MACROD2: variants seen among roughly 807,000 people sequenced by gnomAD.
The protein encoded by MACROD2 is ADP-ribose glycohydrolase MACROD2.
A neutral mutation model predicts 70.4 loss-of-function variants in MACROD2; 36 were observed. That is an observed-to-expected ratio of 0.51 (90% CI 0.39 to 0.68). MACROD2 has a LOEUF of 0.68. Ranked by LOEUF, MACROD2 falls within the 30% of genes least tolerant of loss-of-function variation. The pLI, the probability that MACROD2 is intolerant of heterozygous loss-of-function variation, is 0.00. For missense variants in MACROD2, 496 were observed against 538.4 expected (o/e 0.92, Z 0.78); for synonymous variants, 172 against 178.8 (o/e 0.96, Z 0.30).
chr20:14,084,674 T>C lies in MACROD2; in HGVS notation c.164-947T>C, dbSNP rs919718701. ...TAACGTTTTTGGCTTATTTTAGATA[T>C]ACCTGCTTGCTGGCTGTTGTGTGTT... is the stretch of plus-strand genomic sequence containing the variant. On this transcript the variant is annotated intron_variant, in intron 2 of 17. Coordinates refer to ENST00000684519, the MANE Select transcript of MACROD2 (RefSeq NM_001351661.2). Among the ~76,000 whole-genome samples, 7 of 152,180 alleles carry C rather than the reference T, an allele frequency of 4.6e-5. No individual in the cohort carries two copies. The East Asian group carries it at 1.3e-3, about 29-fold the overall frequency.
intron 5 of MACROD2, among the ~76,000 whole-genome samples, chr20:15,052,154 A>T (rs1296046736): frequency 2.6e-5 from 4 of 152,068 alleles, no homozygotes; most frequent in African/African-American, 9.7e-5. Flanking sequence ...TCTGTCTTGT[A>T]ATTTACAACA....
chr20:15,646,162 C>T (rs185233526), intron 8 of MACROD2, among the ~76,000 whole-genome samples: 33 of 152,158 alleles, frequency 2.2e-4, no homozygotes, highest in Non-Finnish European at 2.8e-4. Flanking sequence ...TCAACACACC[C>T]CTGAGGCAGT....
At chr20:14,247,529 G>A (rs1223620248) in intron 3 of MACROD2, among the ~76,000 whole-genome samples, 3 of 152,198 alleles carry the variant, frequency 2.0e-5, no homozygotes, top group South Asian at 2.1e-4. Context: ...TTTGGAGATA[G>A]AGTTTTAAAT....
At chr20:16,022,601 G>A (rs1337257066) in intron 15 of MACROD2, among the ~76,000 whole-genome samples, 1 of 152,114 alleles carries the variant, frequency 6.6e-6, no homozygotes, top group African/African-American at 2.4e-5. Context: ...TAAGATGTCT[G>A]GAAGTCTGCA....
chr20:15,229,217 A>C (rs1001050004), intron 5 of MACROD2, among the ~76,000 whole-genome samples: 1 of 152,204 alleles, frequency 6.6e-6, no homozygotes, highest in African/African-American at 2.4e-5. Context: ...TGTGTATAAA[A>C]AATATCAAGT....
rs1326674972 is a variant in MACROD2, at chr20:16,041,090, C to A, written c.1154-111C>A. On this transcript the variant is annotated intron_variant, in intron 15 of 17. Coordinates refer to ENST00000684519, the MANE Select transcript of MACROD2 (RefSeq NM_001351661.2). ...ACCTTTTCTGCAAAAGAAGTTGAATCCCAGGAGTATTTTTGAATTTAAAAG... is the reference window on the plus strand; with the variant it reads ...ACCTTTTCTGCAAAAGAAGTTGAATACCAGGAGTATTTTTGAATTTAAAAG... 4 of 876,468 alleles carry A rather than the reference C, an allele frequency of 4.6e-6. No individual in the cohort carries two copies. In the African/African-American group the frequency reaches 5.2e-5, roughly 11 times the overall value. 54.3% of individuals were successfully genotyped at this position (876,468 alleles called of 1,614,324 possible).
chr20:14,298,097 T>C (rs76767361), intron 3 of MACROD2, among the ~76,000 whole-genome samples: 2,013 of 152,034 alleles, frequency 0.013, 26 homozygotes, highest in Admixed American at 0.02. Context: ...TGAGACCTAC[T>C]CCTGAGAAAG....
At chr20:14,147,314 C>G (rs1306955762) in intron 3 of MACROD2, among the ~76,000 whole-genome samples, 2 of 152,138 alleles carry the variant, frequency 1.3e-5, no homozygotes, top group Non-Finnish European at 2.9e-5. Flanking sequence ...TCTTTCCTTG[C>G]CATTCATTCC....
At chr20:14,213,361 CAA>C (rs60009822) in intron 3 of MACROD2, among the ~76,000 whole-genome samples, 5 of 30,256 alleles carry the variant, frequency 1.7e-4, no homozygotes, top group Admixed American at 7.2e-4. Flanking sequence ...CTTCTAGTGG[CAA>C]AAAAAAAAAA....
chr20:14,383,791 A>C (rs1328454962), intron 3 of MACROD2, among the ~76,000 whole-genome samples: 1 of 152,206 alleles, frequency 6.6e-6, no homozygotes, highest in African/African-American at 2.4e-5. Context: ...AAGCTGACTT[A>C]AAGAGGTAAA....
chr20:15,342,655 G>A (rs535368594), intron 6 of MACROD2, among the ~76,000 whole-genome samples: 9 of 152,106 alleles, frequency 5.9e-5, no homozygotes, highest in Non-Finnish European at 1.3e-4. Context: ...AAGGATACTC[G>A]ATTGAATTGC....
intron 8 of MACROD2, among the ~76,000 whole-genome samples, chr20:15,577,153 A>G (rs1321909982): frequency 6.6e-6 from 1 of 152,066 alleles, no homozygotes; most frequent in African/African-American, 2.4e-5. Flanking sequence ...AACATTGAAA[A>G]CACCCTACTC....
chr20:15,161,854 C>G (rs928202310), intron 5 of MACROD2, among the ~76,000 whole-genome samples: 1 of 151,952 alleles, frequency 6.6e-6, no homozygotes, highest in African/African-American at 2.4e-5. Context: ...TCAGAAGAAT[C>G]AAAGTCAAAA....
chr20:15,071,890 A>G (rs1344681031), intron 5 of MACROD2, among the ~76,000 whole-genome samples: 1 of 152,054 alleles, frequency 6.6e-6, no homozygotes, highest in Non-Finnish European at 1.5e-5. Context: ...TTTTGTATGC[A>G]TTTGGCTTCA....
intron 3 of MACROD2, among the ~76,000 whole-genome samples, chr20:14,350,381 C>T (rs1028209908): frequency 7.2e-5 from 11 of 152,150 alleles, no homozygotes; most frequent in Non-Finnish European, 1.2e-4. Context: ...TCCACACCCT[C>T]GCCAGCATTT....
At chr20:15,505,662 C>T (rs1161755305) in intron 8 of MACROD2, among the ~76,000 whole-genome samples, 1 of 152,192 alleles carries the variant, frequency 6.6e-6, no homozygotes, top group Non-Finnish European at 1.5e-5. Flanking sequence ...AGACAGATCC[C>T]ATTGCTCTGG....
intron 4 of MACROD2, among the ~76,000 whole-genome samples, chr20:14,664,500 T>C (rs2070715415): frequency 6.6e-6 from 1 of 152,080 alleles, no homozygotes. Context: ...AAGATTTACT[T>C]TGGAACTTGT....
intron 5 of MACROD2, among the ~76,000 whole-genome samples, chr20:15,136,452 G>A (rs1008975913): frequency 1.1e-4 from 17 of 152,266 alleles, no homozygotes; most frequent in Admixed American, 1.3e-4. Flanking sequence ...AGAAAAACGA[G>A]CAATGGGGAA....
At chr20:14,569,744 T>C (rs1252381432) in intron 4 of MACROD2, among the ~76,000 whole-genome samples, 2 of 151,960 alleles carry the variant, frequency 1.3e-5, no homozygotes, top group Admixed American at 1.3e-4. Flanking sequence ...GCTTAAACTT[T>C]AGATACTTTG....
Sources: gnomAD v4.1 joint callset for allele counts (sites outside exome capture counted in the v4.1 genomes callset) on GRCh38, gnomAD v4.1.1 for gene constraint, MANE v1.5 for transcripts, NCBI Gene and HGNC (gene_info 2026-07-23, HGNC 2026-07-21) for gene names.